CNTNAP3B: variants seen among roughly 807,000 people sequenced by gnomAD.
CNTNAP3B encodes the protein contactin associated protein family member 3B.
A neutral mutation model predicts 108.9 loss-of-function variants in CNTNAP3B; 25 were observed. The ratio of observed to expected loss-of-function variants is 0.23; its 90% CI spans 0.17 to 0.32. CNTNAP3B has a LOEUF of 0.32. CNTNAP3B is among the 10% of genes least tolerant of loss of function. The pLI, the probability that CNTNAP3B is intolerant of heterozygous loss-of-function variation, is 1.00. For missense variants in CNTNAP3B, 252 were observed against 1,210.4 expected, an observed-to-expected ratio of 0.21 and a Z score of 11.75; for synonymous variants, 103 against 473.4, an observed-to-expected ratio of 0.22 and a Z score of 10.16.
At chr9:42,081,380 G>T (rs1165124356) in intron 2 of CNTNAP3B, among the ~76,000 whole-genome samples, 1 of 147,376 alleles carries the variant, frequency 6.8e-6, no homozygotes, top group Admixed American at 6.8e-5. Flanking sequence ...AAGTTTTCAA[G>T]TTCTGAGGAA....
chr9:42,122,323 G>A (rs1346186901), intron 1 of CNTNAP3B, among the ~76,000 whole-genome samples: 1 of 138,946 alleles, frequency 7.2e-6, no homozygotes, highest in African/African-American at 2.8e-5. Context: ...AGAATGAAAA[G>A]AGATAAATTA....
intron 3 of CNTNAP3B, among the ~76,000 whole-genome samples, chr9:42,035,995 C>G (rs1439437916): frequency 3.4e-5 from 5 of 145,004 alleles, no homozygotes; most frequent in Non-Finnish European, 6.0e-5. Flanking sequence ...GTAGTCCCAG[C>G]TACTCGGGAG....
intron 15 of CNTNAP3B, among the ~76,000 whole-genome samples, chr9:41,925,293 G>T (rs565506670): frequency 4.6e-5 from 7 of 151,808 alleles, no homozygotes; most frequent in East Asian, 3.8e-4. Context: ...ACATGCCTAC[G>T]TTAGAAATAG....
chr9:41,995,719 A>C (rs1281696897), intron 7 of CNTNAP3B, among the ~76,000 whole-genome samples: 2 of 101,608 alleles, frequency 2.0e-5, no homozygotes, highest in Non-Finnish European at 3.9e-5. Flanking sequence ...TGACAGAGTG[A>C]GACTCCGTCT....
At position 42,122,167 on chromosome 9, in the gene CNTNAP3B, C is replaced by T. The variant is rs1048950879; in HGVS notation, c.85+6843G>A. On this transcript the variant is annotated intron_variant, in intron 1 of 23. Coordinates refer to ENST00000377561, the MANE Select transcript of CNTNAP3B (RefSeq NM_001201380.3). ...TTATAGTTCAAGATGTATTGATAAG[C>T]GTGTTAAGCTTATTTTTATATATGA... 1.2e-4 allele frequency among the ~76,000 whole-genome samples: 17 copies of T among 139,166 alleles called. 5 individuals are homozygous for T. Among genetic ancestry groups the T allele is most frequent in the African/African-American group, 4.0e-4 (14 of 35,158 alleles). The allele number at this position is 139,166 out of a possible 152,430, so 91.3% of individuals were successfully genotyped here. A position where few individuals can be genotyped will look rare whatever the true frequency, so the allele number is the denominator to read the frequency against.
intron 16 of CNTNAP3B, among the ~76,000 whole-genome samples, chr9:41,923,196 T>C (rs1823716470): frequency 7.0e-6 from 1 of 143,158 alleles, no homozygotes; most frequent in Non-Finnish European, 1.5e-5. Context: ...GAATACCAAA[T>C]AGTATTTGTT....
chr9:41,955,539 T>C (rs368653375), intron 12 of CNTNAP3B, among the ~76,000 whole-genome samples: 13 of 152,408 alleles, frequency 8.5e-5, no homozygotes, highest in South Asian at 8.3e-4. Context: ...TTTCTTTTTC[T>C]TTTTTATTAG....
Position 42,093,408 on chromosome 9 carries a change from G to T in CNTNAP3B, c.196+11221C>A. On this transcript the variant is annotated intron_variant, in intron 2 of 23. Transcript: ENST00000377561. ...ACTAATTATAATTTTTGCTTCAGCA[G>T]CACTCAGTAGATTTTAGCTACTTTG... is the stretch of plus-strand genomic sequence containing the variant. Among the ~76,000 whole-genome samples the T allele has an allele frequency of 2.1e-5, 2 of 95,232 alleles. 1 individual carries two copies. The highest frequency in any genetic ancestry group is 4.5e-5 in the Non-Finnish European group (2 of 44,914). 62.5% of individuals were successfully genotyped at this position (95,232 alleles called of 152,430 possible).
At chr9:42,044,380 A>AC (rs1396675470) in intron 3 of CNTNAP3B, among the ~76,000 whole-genome samples, 1 of 150,240 alleles carries the variant, frequency 6.7e-6, no homozygotes, top group African/African-American at 2.5e-5. Context: ...TCAAGGTATC[A>AC]CCTCCATTTC....
intron 2 of CNTNAP3B, among the ~76,000 whole-genome samples, chr9:42,088,930 A>C (rs1399132616): frequency 7.2e-5 from 10 of 138,430 alleles, no homozygotes; most frequent in Non-Finnish European, 1.4e-4. Context: ...TTTATGAAAA[A>C]TGAGGACCAG....
intron 3 of CNTNAP3B, among the ~76,000 whole-genome samples, chr9:42,053,375 G>C (rs1826994343): frequency 7.5e-6 from 1 of 133,104 alleles, no homozygotes; most frequent in Admixed American, 7.6e-5. Flanking sequence ...GTCATGAATT[G>C]ATGTCATATG....
intron 1 of CNTNAP3B, among the ~76,000 whole-genome samples, chr9:42,109,442 GA>G (rs879689975): frequency 9.2e-4 from 117 of 126,524 alleles, no homozygotes; most frequent in East Asian, 3.0e-3. Flanking sequence ...TAATAAGAAT[GA>G]AAAAAAAAAA....
At chr9:41,931,104 ATT>A (rs1450216859) in intron 14 of CNTNAP3B, among the ~76,000 whole-genome samples, 3 of 152,290 alleles carry the variant, frequency 2.0e-5, no homozygotes, top group Non-Finnish European at 4.4e-5. Context: ...TTTTGTATGC[ATT>A]TGTGGCAAAA....
chr9:41,943,755 A>T (rs1478000379), intron 13 of CNTNAP3B, among the ~76,000 whole-genome samples: 5 of 152,244 alleles, frequency 3.3e-5, no homozygotes, highest in African/African-American at 1.2e-4. Flanking sequence ...TAAAATAATG[A>T]CAGTTGAGAA....
intron 8 of CNTNAP3B, among the ~76,000 whole-genome samples, chr9:41,991,014 G>GA (rs1474126683): frequency 1.5e-5 from 2 of 134,300 alleles, no homozygotes; most frequent in African/African-American, 3.0e-5. Flanking sequence ...CTTCACAAGT[G>GA]AAAACAGCTG....
chr9:41,976,917 C>T lies in CNTNAP3B; in HGVS notation c.1478-6672G>A, dbSNP rs1462710326. Among the ~76,000 whole-genome samples the T allele has an allele frequency of 2.5e-4, 35 of 138,216 alleles. 1 individual carries two copies. The highest frequency in any genetic ancestry group is 3.9e-4 in the Non-Finnish European group (25 of 64,798). The allele number at this position is 138,216 out of a possible 152,430, so 90.7% of individuals were successfully genotyped here. A position where few individuals can be genotyped will look rare whatever the true frequency, so the allele number is the denominator to read the frequency against. ...CCTGGGCAACAGAGTGACTCCCTGTCTAAAAAAAAGGCAAAACAACGAAAC... is the reference window on the plus strand; with the variant it reads ...CCTGGGCAACAGAGTGACTCCCTGTTTAAAAAAAAGGCAAAACAACGAAAC... On this transcript the variant is annotated intron_variant, in intron 9 of 23. Coordinates refer to ENST00000377561, the MANE Select transcript of CNTNAP3B (RefSeq NM_001201380.3).
intron 13 of CNTNAP3B, among the ~76,000 whole-genome samples, chr9:41,947,708 A>G (rs1824566139): frequency 6.6e-6 from 1 of 152,124 alleles, no homozygotes; most frequent in Admixed American, 6.5e-5. Context: ...AGAATTTGAA[A>G]CAAAAATAAT....
intron 2 of CNTNAP3B, among the ~76,000 whole-genome samples, chr9:42,085,790 GA>G (rs1341742977): frequency 1.5e-5 from 2 of 136,954 alleles, no homozygotes; most frequent in African/African-American, 5.9e-5. Flanking sequence ...AGAGTGATGC[GA>G]AAATCCTAGA....
intron 2 of CNTNAP3B, among the ~76,000 whole-genome samples, chr9:42,086,379 AATAT>A (rs570448707): frequency 1.6e-5 from 2 of 126,196 alleles, no homozygotes; most frequent in Admixed American, 8.0e-5. Flanking sequence ...TGTTGCTATG[AATAT>A]ATATATATAT....
Sources: allele counts gnomAD v4.1 joint callset (sites outside exome capture counted in the v4.1 genomes callset), GRCh38; gene constraint gnomAD v4.1.1; transcripts MANE v1.5; gene names NCBI Gene and HGNC (gene_info 2026-07-23, HGNC 2026-07-21).